Variants in CRLF1 observed in about 807,000 individuals in gnomAD.
CRLF1 encodes the protein cytokine receptor like factor 1.
In CRLF1, 36 loss-of-function variants were observed where a neutral mutation model predicts 48.9. The ratio of observed to expected loss-of-function variants is 0.74; its 90% CI spans 0.56 to 0.97. CRLF1 has a LOEUF of 0.97. Ranked by LOEUF, CRLF1 falls within the 50% of genes least tolerant of loss-of-function variation. CRLF1 has a pLI of 0.00. For missense variants in CRLF1, 534 were observed against 575.1 expected (o/e 0.93, Z 0.73); for synonymous variants, 256 against 253.4 (o/e 1.01, Z -0.10).
At chr19:18,594,565 G>A (rs1976105177) in intron 6 of CRLF1, 131 bp from the exon 7 acceptor site, 2 of 672,994 alleles carry the variant, frequency 3.0e-6, no homozygotes, top group Non-Finnish European at 2.1e-6. Flanking sequence ...CTCAAGGACC[G>A]AGTCCTCCCC....
At chr19:18,605,232 G>A (rs1161866997) in intron 1 of CRLF1, among the ~76,000 whole-genome samples, 1 of 152,008 alleles carries the variant, frequency 6.6e-6, no homozygotes, top group Non-Finnish European at 1.5e-5. Flanking sequence ...GCTGCCCACC[G>A]CCTGGCAGAG....
chr19:18,599,155 GAGTGCAAT>G, intron 2 of CRLF1: 1 of 971,850 alleles, frequency 1.0e-6, no homozygotes, highest in Non-Finnish European at 1.2e-6. Flanking sequence ...CCCCAGGCTG[GAGTGCAAT>G]GGTGCCATCT....
Position 18,599,709 on chromosome 19 carries a change from G to C in CRLF1, c.253C>G (p.Pro85Ala), listed in dbSNP as rs202030926. The C allele has an allele frequency of 6.2e-7, 1 of 1,610,316 alleles. No homozygotes were observed. Among genetic ancestry groups the C allele is most frequent in the Non-Finnish European group, 8.5e-7 (1 of 1,178,586 alleles). The change falls in exon 2 of 9, where the codon CCT (proline) becomes GCT (alanine). Residue 85 changes from proline (P) to alanine (A), a missense_variant. Transcript: ENST00000392386. Reference protein sequence around the residue: ...YWTLNGRRLPPELSRVLNAST... With the variant: ...YWTLNGRRLPAELSRVLNAST... Reference sequence around the variant, plus strand: ...GCGTTGAGTACACGGGAGAGCTCAGGGGGCAGGCGGCGCCCGTTGAGGGTC... The same window carrying C: ...GCGTTGAGTACACGGGAGAGCTCAGCGGGCAGGCGGCGCCCGTTGAGGGTC...
At chr19:18,593,983 TG>T in intron 8 of CRLF1, 81 bp downstream of exon 8, 1 of 1,522,384 alleles carries the variant, frequency 6.6e-7, no homozygotes, top group Non-Finnish European at 8.9e-7. Flanking sequence ...TTGGGAGGCG[TG>T]GGGGTGTGAA....
chr19:18,593,614 G>C (rs1268011227), intron 8 of CRLF1, 35 bp from the exon 9 acceptor site: 4 of 1,589,984 alleles, frequency 2.5e-6, no homozygotes, highest in Non-Finnish European at 3.4e-6. Context: ...TAAGCAGGGA[G>C]TCCAGGAGAG....
chr19:18,598,853 T>A lies in CRLF1; in HGVS notation c.446A>T (p.Lys149Met). The A allele has an allele frequency of 6.2e-7, 1 of 1,614,028 alleles. No homozygotes were observed. Residue 149 changes from lysine to methionine, a missense_variant, in exon 3 of 9, where the codon AAG becomes ATG. Coordinates refer to ENST00000392386, the MANE Select transcript of CRLF1 (RefSeq NM_004750.5). ...VNISCWSKNM[K>M]DLTCRWTPGA... ...TGGCGTCCAGCGGCAGGTCAAGTCC[T>A]TCATGTTCTTGGACCAGCAGCTGAT...
chr19:18,595,891 T>C (rs1976125734), intron 6 of CRLF1, among the ~76,000 whole-genome samples: 1 of 151,950 alleles, frequency 6.6e-6, no homozygotes, highest in Non-Finnish European at 1.5e-5. Flanking sequence ...AAAGTGGGAG[T>C]TGGCAGCCCA....
intron 1 of CRLF1, 36 bp from the exon 2 acceptor site, chr19:18,599,882 G>A (rs969986843): frequency 8.8e-6 from 13 of 1,482,688 alleles, no homozygotes; most frequent in South Asian, 2.9e-5. Flanking sequence ...AGGCCAGGGC[G>A]GGGACCCTCC....
At position 18,599,843 on chromosome 19, in the gene CRLF1, G is replaced by C. The variant is rs1600654204; in HGVS notation, c.119C>G (p.Thr40Arg). The change falls in exon 2 of 9, where the codon ACA becomes AGA. Residue 40 changes from threonine to arginine, a missense_variant. This residue lies in a region of CRLF1 where 528 missense variants were observed against 555.7 expected (regional missense o/e 0.95). Transcript: ENST00000392386. ...GAPRAGSGAHTAVISPQDPTL... is the reference protein window; with the variant it reads ...GAPRAGSGAHRAVISPQDPTL... Reference sequence around the variant, plus strand: ...GGGATCCTGGGGACTGATCACAGCTGTGTCTGGGGTCAAAGAGGAACACGT... The same window carrying C: ...GGGATCCTGGGGACTGATCACAGCTCTGTCTGGGGTCAAAGAGGAACACGT... The C allele has an allele frequency of 6.6e-7, 1 of 1,524,694 alleles. No homozygotes were observed. 94.4% of individuals were successfully genotyped at this position (1,524,694 alleles called of 1,614,324 possible). A position where few individuals can be genotyped will look rare whatever the true frequency, so the allele number is the denominator to read the frequency against.
At chr19:18,597,141 A>C in intron 4 of CRLF1, 92 bp from the exon 5 acceptor site, 7 of 1,404,474 alleles carry the variant, frequency 5.0e-6, no homozygotes, top group Non-Finnish European at 9.7e-7. Flanking sequence ...CCTAGATGGA[A>C]CCTGCCTCTG....
At chr19:18,593,661 G>A (rs979038693) in intron 8 of CRLF1, 82 bp from the exon 9 acceptor site, 39 of 1,553,278 alleles carry the variant, frequency 2.5e-5, no homozygotes, top group Non-Finnish European at 3.1e-5. Context: ...GGCTTCATTC[G>A]TGTCCTGTCC....
At position 18,596,910 on chromosome 19, in the gene CRLF1, C is replaced by G. The variant is rs1976143672; in HGVS notation, c.837G>C (p.Glu279Asp). Residue 279 changes from glutamate to aspartate, a missense_variant, in exon 5 of 9, where the codon GAG becomes GAC. Glu to Asp is a conservative substitution (Grantham distance 45, BLOSUM62 2). This residue lies in a region of CRLF1 where 528 missense variants were observed against 555.7 expected (regional missense o/e 0.95). Coordinates refer to ENST00000392386, the MANE Select transcript of CRLF1 (RefSeq NM_004750.5). Reference protein sequence around the residue: ...QAKYQIRYRVEDSVDWKVVDD... With the variant: ...QAKYQIRYRVDDSVDWKVVDD... ...GGGTCACCTTCCAGTCCACACTGTC[C>G]TCCACTCGGTAGCGGATCTGGTATT... The G allele has an allele frequency of 6.2e-7, 1 of 1,613,984 alleles. No individual in the cohort carries two copies. Among genetic ancestry groups the G allele is most frequent in the African/African-American group, 1.3e-5 (1 of 74,914 alleles).
chr19:18,594,951 CGA>C (rs1976111575), intron 6 of CRLF1, among the ~76,000 whole-genome samples: 2 of 152,048 alleles, frequency 1.3e-5, no homozygotes, highest in South Asian at 4.1e-4. Context: ...ACAAAGAGAT[CGA>C]GACAGAGACA....
intron 4 of CRLF1, among the ~76,000 whole-genome samples, chr19:18,597,453 G>A (rs1385117337): frequency 1.6e-4 from 3 of 19,288 alleles, no homozygotes; most frequent in African/African-American, 2.0e-3. Context: ...TTTTTGAGAC[G>A]GAGTCTCGCT....
In CRLF1 at chr19:18,599,790, C is replaced by G. The variant is rs151254980; in HGVS notation, c.172G>C (p.Ala58Pro). 1.9e-6 allele frequency: 3 copies of G among 1,580,912 alleles called. No individual in the cohort carries two copies. Among genetic ancestry groups the G allele is most frequent in the African/African-American group, 1.3e-5 (1 of 74,246 alleles). Reference protein sequence around the residue: ...PTLLIGSSLLATCSVHGDPPG... With the variant: ...PTLLIGSSLLPTCSVHGDPPG... ...GGGTCTCCGTGCACTGAGCAGGTGG[C>G]CAGCAGGGAGGAGCCGATGAGAAGC... Residue 58 changes from alanine to proline, a missense_variant, in exon 2 of 9, where the codon GCC (alanine) becomes CCC (proline). Ala to Pro is a conservative substitution (Grantham distance 27, BLOSUM62 -1). Around this residue, in one of 2 missense-constraint regions of CRLF1, gnomAD observed 528 missense variants for 555.7 expected, o/e 0.95. Transcript: ENST00000392386.
At chr19:18,604,062 C>T (rs1007889559) in intron 1 of CRLF1, among the ~76,000 whole-genome samples, 4 of 152,236 alleles carry the variant, frequency 2.6e-5, no homozygotes, top group Non-Finnish European at 5.9e-5. Flanking sequence ...ACGGCCAGGC[C>T]TGCCCAGACC....
At position 18,606,133 on chromosome 19, in the gene CRLF1, G is replaced by A. The variant is rs1383270378; in HGVS notation, c.115+409C>T. Among the ~76,000 whole-genome samples the A allele has an allele frequency of 1.3e-5, 2 of 151,324 alleles. No homozygotes were observed. The highest frequency in any genetic ancestry group is 3.0e-5 in the Non-Finnish European group (2 of 67,708). ...CTCATCCCTCCGCCTGGGGGGGCCC[G>A]CTGGGGGCCCGCACCCAGCGCGCCA... On this transcript the variant is annotated intron_variant, in intron 1 of 8. Coordinates refer to ENST00000392386, the MANE Select transcript of CRLF1 (RefSeq NM_004750.5). The surrounding 1 kb of genome is among the most constrained non-coding windows in gnomAD (Gnocchi z 4.8).
chr19:18,598,849 G>A lies in CRLF1; in HGVS notation c.450C>T (p.Asp150=). The change falls in exon 3 of 9, where the codon GAC becomes GAT. Residue 150 remains aspartate, a synonymous_variant. Coordinates refer to ENST00000392386, the MANE Select transcript of CRLF1 (RefSeq NM_004750.5). The part of the protein sequence containing the change: ...NISCWSKNMK[D]LTCRWTPGAH... ...CCCCTGGCGTCCAGCGGCAGGTCAAGTCCTTCATGTTCTTGGACCAGCAGC... is the reference window on the plus strand; with the variant it reads ...CCCCTGGCGTCCAGCGGCAGGTCAAATCCTTCATGTTCTTGGACCAGCAGC... The A allele has an allele frequency of 6.2e-7, 1 of 1,614,108 alleles. No homozygotes were observed. The highest frequency in any genetic ancestry group is 8.5e-7 in the Non-Finnish European group (1 of 1,179,998).
chr19:18,599,572 A>G lies in CRLF1; in HGVS notation c.390T>C (p.Tyr130=), dbSNP rs1032971937. The G allele has an allele frequency of 1.9e-6, 3 of 1,612,310 alleles. No individual in the cohort carries two copies. The highest frequency in any genetic ancestry group is 2.7e-5 in the African/African-American group (2 of 74,900). The change falls in exon 2 of 9, where the codon TAT becomes TAC. Residue 130 remains tyrosine, a synonymous_variant. Coordinates refer to ENST00000392386, the MANE Select transcript of CRLF1 (RefSeq NM_004750.5). The part of the protein sequence containing the change: ...DGSILAGSCL[Y]VGLPPEKPVN... ...TCCTGGGTGCCAACTTACGGCCAAC[A>G]TAGAGGCAGGAGCCAGCCAGGATGC...
Sources: gnomAD v4.1 joint callset for allele counts (sites outside exome capture counted in the v4.1 genomes callset) on GRCh38, gnomAD v4.1.1 for gene constraint, gnomAD v4.1.1 regional missense constraint, Gnocchi (gnomAD v3.1) non-coding constraint, MANE v1.5 for transcripts, NCBI Gene and HGNC (gene_info 2026-07-23, HGNC 2026-07-21) for gene names.